FAM20A: variants seen among roughly 807,000 people sequenced by gnomAD.
FAM20A encodes pseudokinase FAM20A.
In FAM20A, 42 loss-of-function variants were observed where a neutral mutation model predicts 52.0. The observed-to-expected ratio is 0.81, with a 90% CI of 0.63 to 1.04. FAM20A has a LOEUF of 1.04. Among genes scored for constraint, FAM20A ranks in the 50% least tolerant of loss-of-function variants. The pLI, the probability that FAM20A is intolerant of heterozygous loss-of-function variation, is 0.00. For missense variants in FAM20A, 742 were observed against 712.7 expected, an observed-to-expected ratio of 1.04 and a Z score of -0.47; for synonymous variants, 304 against 298.9, an observed-to-expected ratio of 1.02 and a Z score of -0.18.
intron 1 of FAM20A, among the ~76,000 whole-genome samples, chr17:68,599,805 C>A (rs115939472): frequency 0.035 from 5,282 of 152,208 alleles, 297 homozygotes; most frequent in African/African-American, 0.12. Flanking sequence ...CAGGTTTACC[C>A]AAAGAGCACA....
At chr17:68,576,340 A>G (rs1245191974) in intron 1 of FAM20A, among the ~76,000 whole-genome samples, 2 of 152,208 alleles carry the variant, frequency 1.3e-5, no homozygotes, top group Non-Finnish European at 2.9e-5. Flanking sequence ...CATTTTATAG[A>G]TGAGGAGACT....
intron 1 of FAM20A, chr17:68,598,021 T>TTTC (rs1465925691): frequency 6.6e-6 from 1 of 150,964 alleles, no homozygotes; most frequent in Non-Finnish European, 1.5e-5. Flanking sequence ...TTTTTTTTTT[T>TTTC]CTGAGGCAAG....
rs758433003 is a variant in FAM20A at position 68,537,689 on chromosome 17, T to G, written c.1414A>C (p.Arg472=). The G allele has an allele frequency of 1.1e-5, 17 of 1,613,668 alleles. No individual in the cohort carries two copies. In the South Asian group the frequency reaches 1.7e-4, roughly 16 times the overall value. The part of the protein sequence containing the change: ...HLQLLAQADY[R]LSDVMRESLL... ...GATTCTCGCATCACATCGCTGAGTC[T>G]GTAGTCAGCTTGGGCCAGCAGCTGC... The change falls in exon 11 of 11, where the codon AGA becomes CGA. Residue 472 remains arginine (R), a synonymous_variant. Coordinates refer to ENST00000592554, the MANE Select transcript of FAM20A (RefSeq NM_017565.4). The surrounding 1 kb of genome is among the most constrained non-coding windows in gnomAD (Gnocchi z 4.2).
At chr17:68,540,529 A>G (rs753724632) in intron 8 of FAM20A, 57 of 491,904 alleles carry the variant, frequency 1.2e-4, no homozygotes, top group Non-Finnish European at 2.3e-4. Context: ...ATATTTGTGT[A>G]CTTTCTTCCC....
chr17:68,540,758 A>G (rs2086249611), intron 8 of FAM20A, 91 bp downstream of exon 8: 1 of 1,487,366 alleles, frequency 6.7e-7, no homozygotes, highest in African/African-American at 1.4e-5. Context: ...GTCCTCATGA[A>G]CCAGGTTGTA....
rs538042981 is a variant in FAM20A at position 68,540,083 on chromosome 17, C to T, written c.1220-117G>A. 270 of 819,460 alleles carry T rather than the reference C, an allele frequency of 3.3e-4. 1 individual carries two copies. The highest frequency in any genetic ancestry group is 5.0e-4 in the Non-Finnish European group (238 of 480,174). 50.8% of individuals were successfully genotyped at this position (819,460 alleles called of 1,614,324 possible). On this transcript the variant is annotated intron_variant, in intron 8 of 10. Transcript: ENST00000592554. Reference sequence around the variant, plus strand: ...ATCACTTGAGAGACAGGGGTGTGAACGAAGCTGGGCCTCACACTGTCATTT... The same window carrying T: ...ATCACTTGAGAGACAGGGGTGTGAATGAAGCTGGGCCTCACACTGTCATTT...
intron 3 of FAM20A, among the ~76,000 whole-genome samples, chr17:68,553,855 TATAC>T (rs1420498416): frequency 6.7e-6 from 1 of 149,540 alleles, no homozygotes; most frequent in Non-Finnish European, 1.5e-5. Context: ...TTTATGCATA[TATAC>T]ATATATACAC....
At chr17:68,588,588 C>G (rs2088221921) in intron 1 of FAM20A, among the ~76,000 whole-genome samples, 1 of 152,250 alleles carries the variant, frequency 6.6e-6, no homozygotes. Flanking sequence ...TGATGCCTCT[C>G]TCTTTGGCTA....
chr17:68,589,257 A>G (rs1445100203), intron 1 of FAM20A, among the ~76,000 whole-genome samples: 1 of 152,264 alleles, frequency 6.6e-6, no homozygotes, highest in African/African-American at 2.4e-5. Context: ...GAGGCAGTAC[A>G]GCCAAGATCA....
At position 68,538,681 on chromosome 17, in the gene FAM20A, C is replaced by T. The variant is rs116440307; in HGVS notation, c.1361+656G>A. ...TGATCAAGTAGTAATATTTATGAGC[C>T]GATATGAATGCTGGGCAAAGCAGAG... On this transcript the variant is annotated intron_variant, in intron 10 of 10. Coordinates refer to ENST00000592554, the MANE Select transcript of FAM20A (RefSeq NM_017565.4). 4.9e-3 allele frequency among the ~76,000 whole-genome samples: 752 copies of T among 152,188 alleles called. 3 individuals carry two copies. Among genetic ancestry groups the T allele is most frequent in the African/African-American group, 0.017 (696 of 41,492 alleles).
intron 3 of FAM20A, among the ~76,000 whole-genome samples, chr17:68,552,408 G>A (rs1244798071): frequency 1.3e-5 from 2 of 152,124 alleles, no homozygotes; most frequent in Admixed American, 1.3e-4. Context: ...TGTTATATTA[G>A]ACTAGTTTGT....
intron 1 of FAM20A, among the ~76,000 whole-genome samples, chr17:68,563,345 C>T (rs1277473455): frequency 2.1e-5 from 3 of 145,328 alleles, no homozygotes; most frequent in Non-Finnish European, 4.5e-5. Context: ...GAGATCGTGA[C>T]ACTGCACTCC....
intron 9 of FAM20A, 58 bp downstream of exon 9, chr17:68,539,827 C>A: frequency 6.4e-7 from 1 of 1,551,962 alleles, no homozygotes; most frequent in Non-Finnish European, 8.9e-7. Flanking sequence ...GAGCAGCTGG[C>A]TGCACAGAGC....
chr17:68,570,289 G>A (rs956750668), intron 1 of FAM20A, among the ~76,000 whole-genome samples: 4 of 152,006 alleles, frequency 2.6e-5, no homozygotes, highest in African/African-American at 9.7e-5. Context: ...TGTCAGGCTG[G>A]TCTTGAACTC....
intron 1 of FAM20A, among the ~76,000 whole-genome samples, chr17:68,557,948 A>G (rs143096661): frequency 6.6e-6 from 1 of 152,190 alleles, no homozygotes; most frequent in Non-Finnish European, 1.5e-5. Context: ...TCACTCCATG[A>G]TTATGCTGCG....
chr17:68,579,489 C>G (rs560476652), intron 1 of FAM20A, among the ~76,000 whole-genome samples: 2 of 152,088 alleles, frequency 1.3e-5, no homozygotes, highest in Non-Finnish European at 1.5e-5. Flanking sequence ...AGTGATTGGA[C>G]TTTTGAAAAA....
chr17:68,571,983 CATACATAT>C (rs1264841556), intron 1 of FAM20A, among the ~76,000 whole-genome samples: 4 of 22,090 alleles, frequency 1.8e-4, no homozygotes, highest in Admixed American at 9.6e-4. Context: ...TGTGTATATA[CATACATAT>C]ATATATATAT....
At chr17:68,568,098 T>G (rs1441482298) in intron 1 of FAM20A, among the ~76,000 whole-genome samples, 5 of 151,918 alleles carry the variant, frequency 3.3e-5, no homozygotes, top group African/African-American at 1.2e-4. Flanking sequence ...TGACTGTTCT[T>G]GGGGAAAGAG....
At chr17:68,585,402 G>T (rs773650966) in intron 1 of FAM20A, among the ~76,000 whole-genome samples, 1 of 150,832 alleles carries the variant, frequency 6.6e-6, no homozygotes, top group Non-Finnish European at 1.5e-5. Context: ...CTCTTCATCC[G>T]TGCAAACACA....
Sources: gnomAD v4.1 joint callset for allele counts (sites outside exome capture counted in the v4.1 genomes callset) on GRCh38, gnomAD v4.1.1 for gene constraint, Gnocchi (gnomAD v3.1) non-coding constraint, MANE v1.5 for transcripts, NCBI Gene and HGNC (gene_info 2026-07-23, HGNC 2026-07-21) for gene names.